The following IGF2BP2 variants were observed in gnomAD, a reference collection of about 807,000 sequenced individuals.
IGF2BP2 encodes insulin like growth factor 2 mRNA binding protein 2, also known as insulin-like growth factor 2 mRNA-binding protein 2.
IGF2BP2 carries 17 observed loss-of-function variants against 75.8 expected under a neutral mutation model. The ratio of observed to expected loss-of-function variants is 0.22; its 90% CI spans 0.15 to 0.34. The LOEUF is 0.34. IGF2BP2 is among the 10% of genes least tolerant of loss of function. The pLI is 1.00. For synonymous variants in IGF2BP2, 288 were observed against 295.6 expected (o/e 0.97, Z 0.26); for missense variants, 516 against 772.4 (o/e 0.67, Z 3.93).
At chr3:185,676,791 AATATATATATATTTACTGGAG>A (rs1218740964) in intron 7 of IGF2BP2, among the ~76,000 whole-genome samples, 1 of 143,904 alleles carries the variant, frequency 6.9e-6, no homozygotes, top group African/African-American at 2.6e-5. Flanking sequence ...ATTTACTGGA[AATATATATATATTTACTGGAG>A]ATATATATAT....
chr3:185,789,358 C>T (rs956850549), intron 2 of IGF2BP2, among the ~76,000 whole-genome samples: 2 of 152,108 alleles, frequency 1.3e-5, no homozygotes, highest in Admixed American at 1.3e-4. Context: ...AAACACATGA[C>T]CTAGGCTAGG....
chr3:185,793,519 TCTG>T (rs1736918775), intron 2 of IGF2BP2, among the ~76,000 whole-genome samples: 1 of 152,148 alleles, frequency 6.6e-6, no homozygotes, highest in Admixed American at 6.6e-5. Flanking sequence ...AAAGCAAAAC[TCTG>T]CTAACATGAG....
rs182992390 is a variant in IGF2BP2, at chr3:185,735,338, G to A, written c.240-36991C>T. Among the ~76,000 whole-genome samples the A allele has an allele frequency of 1.3e-4, 20 of 152,104 alleles. 1 individual carries two copies. Among genetic ancestry groups the A allele is most frequent in the African/African-American group, 4.8e-4 (20 of 41,488 alleles). On this transcript the variant is annotated intron_variant, in intron 2 of 15. Transcript: ENST00000382199. Reference sequence around the variant, plus strand: ...TTTTTGTATTTTTAGTAGAGATGGGGTTTCGCTGTGTTGGCCAGGCTGGTC... The same window carrying A: ...TTTTTGTATTTTTAGTAGAGATGGGATTTCGCTGTGTTGGCCAGGCTGGTC...
intron 2 of IGF2BP2, among the ~76,000 whole-genome samples, chr3:185,802,894 A>G (rs1403341245): frequency 3.9e-5 from 6 of 152,258 alleles, no homozygotes; most frequent in Non-Finnish European, 7.3e-5. Flanking sequence ...GTGCTAATGT[A>G]GCAGGGGTAA....
chr3:185,762,701 T>C (rs1246435290), intron 2 of IGF2BP2, among the ~76,000 whole-genome samples: 1 of 152,122 alleles, frequency 6.6e-6, no homozygotes, highest in African/African-American at 2.4e-5. Flanking sequence ...CTGGCTGCAG[T>C]CTACTTCAGT....
chr3:185,682,289 A>G (rs990354121), intron 7 of IGF2BP2, among the ~76,000 whole-genome samples: 4 of 152,206 alleles, frequency 2.6e-5, no homozygotes, highest in Admixed American at 2.0e-4. Context: ...TAATTAATTA[A>G]TTAATCATGA....
chr3:185,662,716 T>C (rs1008077362), intron 10 of IGF2BP2, among the ~76,000 whole-genome samples: 14 of 151,946 alleles, frequency 9.2e-5, no homozygotes, highest in African/African-American at 3.4e-4. Context: ...CTAATTTTTA[T>C]ATTTTTAGTA....
At chr3:185,785,347 A>G (rs895965235) in intron 2 of IGF2BP2, among the ~76,000 whole-genome samples, 1 of 151,094 alleles carries the variant, frequency 6.6e-6, no homozygotes, top group African/African-American at 2.4e-5. Context: ...GCTTATATGG[A>G]GCTTTCGGGG....
At chr3:185,783,203 C>T (rs1735428785) in intron 2 of IGF2BP2, among the ~76,000 whole-genome samples, 1 of 152,238 alleles carries the variant, frequency 6.6e-6, no homozygotes, top group Non-Finnish European at 1.5e-5. Context: ...CTACGAACAG[C>T]AATAAAAGTA....
chr3:185,741,046 T>C (rs1055240661), intron 2 of IGF2BP2, among the ~76,000 whole-genome samples: 5 of 152,106 alleles, frequency 3.3e-5, no homozygotes, highest in East Asian at 1.9e-4. Context: ...CCGGCTAATT[T>C]TGTATTTTTA....
At chr3:185,798,231 C>T (rs980550062) in intron 2 of IGF2BP2, among the ~76,000 whole-genome samples, 2 of 152,064 alleles carry the variant, frequency 1.3e-5, no homozygotes, top group Non-Finnish European at 2.9e-5. Context: ...GGGAAAAACA[C>T]GCCCACATTC....
At chr3:185,687,705 T>C (rs922582210) in intron 6 of IGF2BP2, among the ~76,000 whole-genome samples, 11 of 152,370 alleles carry the variant, frequency 7.2e-5, no homozygotes, top group East Asian at 1.9e-4. Flanking sequence ...TTCCTTTCCA[T>C]TGGCAGCCTG....
At chr3:185,757,729 C>T (rs1478191865) in intron 2 of IGF2BP2, among the ~76,000 whole-genome samples, 1 of 152,004 alleles carries the variant, frequency 6.6e-6, no homozygotes, top group East Asian at 1.9e-4. Context: ...CTCGAAGTGC[C>T]GAGATTACAG....
chr3:185,818,891 A>C (rs1001980374), intron 2 of IGF2BP2, among the ~76,000 whole-genome samples: 4 of 152,086 alleles, frequency 2.6e-5, no homozygotes, highest in Non-Finnish European at 5.9e-5. Context: ...ATCTGGAGCA[A>C]CCTCCACACA....
intron 1 of IGF2BP2, 29 bp downstream of exon 1, chr3:185,824,754 G>C (rs1160603467): frequency 7.8e-7 from 1 of 1,286,428 alleles, no homozygotes; most frequent in East Asian, 3.2e-5. Context: ...GGGGCGAGGC[G>C]GGGGGAGGGG....
chr3:185,685,717 T>G (rs530340837), intron 7 of IGF2BP2, among the ~76,000 whole-genome samples: 9 of 152,310 alleles, frequency 5.9e-5, no homozygotes, highest in African/African-American at 2.2e-4. Context: ...GATGCAATCA[T>G]AGCTCATTGC....
intron 2 of IGF2BP2, among the ~76,000 whole-genome samples, chr3:185,700,467 C>T (rs1723138866): frequency 6.6e-6 from 1 of 152,082 alleles, no homozygotes; most frequent in Admixed American, 6.6e-5. Context: ...TAATTTCTAC[C>T]TCTATGCTGT....
At chr3:185,689,762 A>C in intron 5 of IGF2BP2, 135 bp from the exon 6 acceptor site, 1 of 909,748 alleles carries the variant, frequency 1.1e-6, no homozygotes, top group Non-Finnish European at 1.7e-6. Context: ...AGGTCAGGAG[A>C]TCGAGACCAT....
chr3:185,663,475 G>C (rs1029397454), intron 10 of IGF2BP2, among the ~76,000 whole-genome samples: 10 of 152,128 alleles, frequency 6.6e-5, no homozygotes, highest in Admixed American at 3.3e-4. Context: ...AGGTAGAGGA[G>C]CATATATAAA....
Sources: allele counts gnomAD v4.1 joint callset (sites outside exome capture counted in the v4.1 genomes callset), GRCh38; gene constraint gnomAD v4.1.1; transcripts MANE v1.5; gene names NCBI Gene and HGNC (gene_info 2026-07-23, HGNC 2026-07-21).